Variants in ADCY10 observed in about 807,000 individuals in gnomAD.
The protein encoded by ADCY10 is adenylate cyclase type 10.
In ADCY10, 156 loss-of-function variants were observed where a neutral mutation model predicts 183.3. The observed-to-expected ratio is 0.85, with a 90% CI of 0.75 to 0.97. The LOEUF (loss-of-function observed/expected upper bound fraction) is 0.97. Ranked by LOEUF, ADCY10 falls within the 50% of genes least tolerant of loss-of-function variation. The pLI, the probability that ADCY10 is intolerant of heterozygous loss-of-function variation, is 0.00. For missense variants in ADCY10, 1,745 were observed against 1,934.3 expected (o/e 0.90, Z 1.84); for synonymous variants, 645 against 670.0 (o/e 0.96, Z 0.58).
intron 3 of ADCY10, among the ~76,000 whole-genome samples, chr1:167,903,655 C>T (rs1669597419): frequency 6.6e-6 from 1 of 152,100 alleles, no homozygotes; most frequent in Non-Finnish European, 1.5e-5. Flanking sequence ...TATAATTCAG[C>T]CCTCTAACAC....
chr1:167,818,047 C>G, intron 31 of ADCY10, 25 bp downstream of exon 31: 3 of 1,607,462 alleles, frequency 1.9e-6, no homozygotes, highest in South Asian at 2.2e-5. Flanking sequence ...ATATTTTATA[C>G]TGGAAACTGG....
At position 167,811,167 on chromosome 1, in the gene ADCY10, A is replaced by T. The variant is rs564830280; in HGVS notation, c.4483-254T>A. Among the ~76,000 whole-genome samples the T allele has an allele frequency of 3.6e-3, 551 of 152,292 alleles. 5 individuals carry two copies. Among genetic ancestry groups the T allele is most frequent in the African/African-American group, 0.013 (527 of 41,564 alleles). On this transcript the variant is annotated intron_variant, in intron 31 of 32. Coordinates refer to ENST00000367851, the MANE Select transcript of ADCY10 (RefSeq NM_018417.6). ...TTACTTCTCTGCAATAACTTTTTTT[A>T]AAAAATTATTTTGATTATTATGATT...
chr1:167,834,124 G>A (rs1392634914), intron 23 of ADCY10, 47 bp from the exon 24 acceptor site: 3 of 1,468,670 alleles, frequency 2.0e-6, no homozygotes, highest in East Asian at 2.3e-5. Context: ...AGCAGGGATT[G>A]AGCCCACAGA....
At chr1:167,810,294 C>G (rs1475469961) in intron 32 of ADCY10, among the ~76,000 whole-genome samples, 1 of 152,140 alleles carries the variant, frequency 6.6e-6, no homozygotes, top group Non-Finnish European at 1.5e-5. Flanking sequence ...TGGTAAGAAT[C>G]CAGAAAGGCC....
rs1662078844 is a variant in ADCY10 at position 167,809,711 on chromosome 1, C to T, written c.4800G>A (p.Leu1600=). The T allele has an allele frequency of 1.2e-6, 2 of 1,614,034 alleles. No individual in the cohort carries two copies. Among genetic ancestry groups the T allele is most frequent in the Admixed American group, 1.7e-5 (1 of 60,004 alleles). ...GATTGTCCACGGTATTAGCTCTCAT[C>T]AGGAATTTGTTTTTTTGAAGATCCT... The part of the protein sequence containing the change: ...NIQDLQKNKF[L]MRANTVDNHF The change falls in exon 33 of 33, where the codon CTG becomes CTA. Residue 1600 remains leucine (L), a synonymous_variant. Transcript: ENST00000367851.
chr1:167,883,005 A>G (rs1667972487), intron 9 of ADCY10, among the ~76,000 whole-genome samples: 1 of 152,182 alleles, frequency 6.6e-6, no homozygotes, highest in Non-Finnish European at 1.5e-5. Flanking sequence ...AGAAGTTATA[A>G]TTATAAACAA....
chr1:167,861,857 G>C, intron 14 of ADCY10, among the ~76,000 whole-genome samples: 1 of 152,164 alleles, frequency 6.6e-6, no homozygotes, highest in East Asian at 1.9e-4. Context: ...CCCCCATGCT[G>C]TTCTCATGAT....
chr1:167,865,614 T>C (rs545081045), intron 14 of ADCY10, among the ~76,000 whole-genome samples: 1 of 152,360 alleles, frequency 6.6e-6, no homozygotes, highest in South Asian at 2.1e-4. Flanking sequence ...TGTTTAGCTT[T>C]CTTTGGTCTA....
intron 8 of ADCY10, 102 bp downstream of exon 8, chr1:167,893,751 C>G: frequency 1.2e-5 from 6 of 494,268 alleles, no homozygotes; most frequent in Non-Finnish European, 7.7e-6. Context: ...GAACATTTTA[C>G]TATTTACTAG....
At chr1:167,843,388 C>T (rs113280555) in intron 21 of ADCY10, among the ~76,000 whole-genome samples, 16 of 152,098 alleles carry the variant, frequency 1.1e-4, no homozygotes, top group African/African-American at 3.9e-4. Context: ...GACTCACTGA[C>T]CCCGCACAGT....
At chr1:167,854,877 A>T (rs1558190763) in intron 17 of ADCY10, among the ~76,000 whole-genome samples, 1 of 152,204 alleles carries the variant, frequency 6.6e-6, no homozygotes, top group Non-Finnish European at 1.5e-5. Context: ...AATGAGTGCC[A>T]AATTGGTGCC....
chr1:167,887,544 G>A (rs951010879), intron 8 of ADCY10, among the ~76,000 whole-genome samples: 20 of 152,002 alleles, frequency 1.3e-4, no homozygotes, highest in African/African-American at 2.2e-4. Flanking sequence ...AGGGCCTGTC[G>A]TGGGCTGGGG....
chr1:167,845,397 T>A (rs1464632178), intron 21 of ADCY10, 166 bp downstream of exon 21: 2 of 692,246 alleles, frequency 2.9e-6, no homozygotes, highest in South Asian at 1.9e-5. Flanking sequence ...TACATTCCCT[T>A]ACTTTTCTCT....
chr1:167,850,930 AAAC>A (rs1665434733), intron 18 of ADCY10, among the ~76,000 whole-genome samples: 1 of 152,120 alleles, frequency 6.6e-6, no homozygotes, highest in Non-Finnish European at 1.5e-5. Flanking sequence ...AACAAACATT[AAAC>A]AATAGATAAA....
intron 28 of ADCY10, among the ~76,000 whole-genome samples, chr1:167,823,826 T>C (rs1663083292): frequency 6.6e-6 from 1 of 152,096 alleles, no homozygotes; most frequent in African/African-American, 2.4e-5. Context: ...GTGACCAGAG[T>C]CAGAGCAAAT....
At chr1:167,841,818 CCAA>C (rs1414777054) in intron 21 of ADCY10, among the ~76,000 whole-genome samples, 4 of 152,170 alleles carry the variant, frequency 2.6e-5, no homozygotes, top group African/African-American at 9.7e-5. Flanking sequence ...CTACTTTTCT[CCAA>C]CAGAATGCTG....
rs931861098 is a variant in ADCY10 at position 167,868,028 on chromosome 1, G to A, written c.1616+2229C>T. 3.3e-5 allele frequency among the ~76,000 whole-genome samples: 5 copies of A among 152,078 alleles called. No homozygotes were observed. The South Asian group carries it at 6.2e-4, about 19-fold the overall frequency. On this transcript the variant is annotated intron_variant, in intron 14 of 32. Transcript: ENST00000367851. ...AAAAGAAGTACACGTATCTCTGGGC[G>A]TCGATAAAAAAGGACTAGATCCTAG...
chr1:167,836,667 A>G (rs975940136), intron 22 of ADCY10, 127 bp from the exon 23 acceptor site: 22 of 682,374 alleles, frequency 3.2e-5, no homozygotes, highest in Non-Finnish European at 5.6e-5. Context: ...AAGCTGGTGG[A>G]TCATCTGAGA....
chr1:167,831,067 G>A (rs559302707), intron 25 of ADCY10, among the ~76,000 whole-genome samples: 2 of 152,264 alleles, frequency 1.3e-5, no homozygotes, highest in East Asian at 1.9e-4. Context: ...GGCACATGTC[G>A]TTAGGACTTA....
Sources: allele counts gnomAD v4.1 joint callset (sites outside exome capture counted in the v4.1 genomes callset), GRCh38; gene constraint gnomAD v4.1.1; transcripts MANE v1.5; gene names NCBI Gene and HGNC (gene_info 2026-07-23, HGNC 2026-07-21).